CNTLN: variants seen among roughly 807,000 people sequenced by gnomAD.
The protein encoded by CNTLN is centlein.
CNTLN carries 212 observed loss-of-function variants against 180.0 expected under a neutral mutation model. The ratio of observed to expected loss-of-function variants is 1.18; its 90% CI spans 1.05 to 1.32. The LOEUF is 1.32. Ranked by LOEUF, CNTLN falls within the 40% of genes most tolerant of loss-of-function variation. The pLI is 0.00. For missense variants in CNTLN, 2,095 were observed against 1,610.9 expected, an observed-to-expected ratio of 1.30 and a Z score of -5.14; for synonymous variants, 722 against 563.1, an observed-to-expected ratio of 1.28 and a Z score of -3.99.
chr9:17,414,977 T>G (rs1355338375), intron 16 of CNTLN, among the ~76,000 whole-genome samples: 1 of 151,928 alleles, frequency 6.6e-6, no homozygotes, highest in African/African-American at 2.4e-5. Flanking sequence ...TCCCAGGTAC[T>G]TGGGAGGCTG....
At chr9:17,512,278 C>G in the CNTLN span, among the ~76,000 whole-genome samples, 2 of 152,244 alleles carry the variant, frequency 1.3e-5, no homozygotes, top group East Asian at 3.9e-4. Flanking sequence ...ATCTACATAC[C>G]GTATCAGTAG....
the CNTLN span, among the ~76,000 whole-genome samples, chr9:17,526,449 T>C: frequency 2.6e-5 from 4 of 152,244 alleles, no homozygotes; most frequent in African/African-American, 7.2e-5. Context: ...AAGTTGAATA[T>C]GCTAACGTAA....
intron 13 of CNTLN, among the ~76,000 whole-genome samples, chr9:17,376,903 C>G (rs1249386563): frequency 6.6e-6 from 1 of 152,124 alleles, no homozygotes; most frequent in Non-Finnish European, 1.5e-5. Context: ...GGTAAATGAA[C>G]TGTAAACTTT....
At chr9:17,376,399 T>C (rs1824762332) in intron 13 of CNTLN, among the ~76,000 whole-genome samples, 1 of 152,058 alleles carries the variant, frequency 6.6e-6, no homozygotes, top group South Asian at 2.1e-4. Flanking sequence ...GATAAAAATT[T>C]TTAATATTAT....
intron 18 of CNTLN, among the ~76,000 whole-genome samples, chr9:17,454,729 C>G (rs537236940): frequency 2.0e-5 from 3 of 152,274 alleles, no homozygotes; most frequent in African/African-American, 2.4e-5. Context: ...GTTAGGTAGA[C>G]AAGCACCATC....
At chr9:17,522,087 T>C in the CNTLN span, among the ~76,000 whole-genome samples, 3 of 152,154 alleles carry the variant, frequency 2.0e-5, no homozygotes, top group Admixed American at 6.6e-5. Flanking sequence ...TGCTATACTT[T>C]GCTATGATAG....
intron 2 of CNTLN, among the ~76,000 whole-genome samples, chr9:17,200,556 C>T (rs942460577): frequency 6.6e-6 from 1 of 152,058 alleles, no homozygotes; most frequent in African/African-American, 2.4e-5. Flanking sequence ...CTTCATATCC[C>T]TTGTAACATG....
chr9:17,516,463 G>A, the CNTLN span, among the ~76,000 whole-genome samples: 2 of 152,116 alleles, frequency 1.3e-5, no homozygotes, highest in Non-Finnish European at 2.9e-5. Context: ...CGAAGACCCA[G>A]GAAAAAGGGT....
At chr9:17,344,121 A>G (rs959073225) in intron 12 of CNTLN, among the ~76,000 whole-genome samples, 4 of 150,602 alleles carry the variant, frequency 2.7e-5, no homozygotes, top group Non-Finnish European at 5.9e-5. Flanking sequence ...AAAATTTAGG[A>G]AGGATTACCT....
chr9:17,186,012 G>T (rs1200185369), intron 2 of CNTLN, among the ~76,000 whole-genome samples: 2 of 152,036 alleles, frequency 1.3e-5, no homozygotes, highest in Non-Finnish European at 2.9e-5. Context: ...GGTTGGTCTT[G>T]AACTCTTGAG....
At chr9:17,380,611 C>G (rs1825169470) in intron 13 of CNTLN, among the ~76,000 whole-genome samples, 1 of 152,110 alleles carries the variant, frequency 6.6e-6, no homozygotes, top group South Asian at 2.1e-4. Context: ...TACCTATGAC[C>G]AAGCCTGACA....
chr9:17,261,698 G>A (rs1826991166), intron 5 of CNTLN, among the ~76,000 whole-genome samples: 1 of 150,938 alleles, frequency 6.6e-6, no homozygotes, highest in Non-Finnish European at 1.5e-5. Context: ...AGGACTTCTA[G>A]TACTATGTTG....
chr9:17,336,603 T>A (rs889728746), intron 10 of CNTLN, among the ~76,000 whole-genome samples: 11 of 152,234 alleles, frequency 7.2e-5, no homozygotes, highest in Non-Finnish European at 1.6e-4. Context: ...TTATTTTTAA[T>A]AGTTTAGATT....
chr9:17,293,742 C>T (rs948702296), intron 6 of CNTLN, among the ~76,000 whole-genome samples: 1 of 152,138 alleles, frequency 6.6e-6, no homozygotes, highest in Admixed American at 6.5e-5. Context: ...TGATGACCTC[C>T]CCTTCCATTA....
chr9:17,396,036 T>G (rs895416562), intron 15 of CNTLN, among the ~76,000 whole-genome samples: 2 of 152,190 alleles, frequency 1.3e-5, no homozygotes, highest in Non-Finnish European at 2.9e-5. Flanking sequence ...AAGAGTGATC[T>G]CTGGTTGTCT....
chr9:17,410,357 C>A (rs181138058), intron 16 of CNTLN, among the ~76,000 whole-genome samples: 1 of 152,132 alleles, frequency 6.6e-6, no homozygotes, highest in African/African-American at 2.4e-5. Context: ...TAAATTGCCT[C>A]TTCAAGTCTC....
chr9:17,310,075 A>G (rs1471669673), intron 8 of CNTLN, among the ~76,000 whole-genome samples: 1 of 152,126 alleles, frequency 6.6e-6, no homozygotes, highest in Non-Finnish European at 1.5e-5. Flanking sequence ...GTTATGACAT[A>G]CTATTGTATG....
chr9:17,298,584 A>T (rs1338809232), intron 7 of CNTLN: 4 of 1,117,712 alleles, frequency 3.6e-6, no homozygotes, highest in South Asian at 3.6e-5. Context: ...AACTTACTCT[A>T]TAGGGTATTA....
At chr9:17,370,252 G>A (rs900509316) in intron 13 of CNTLN, among the ~76,000 whole-genome samples, 2 of 152,116 alleles carry the variant, frequency 1.3e-5, no homozygotes, top group African/African-American at 4.8e-5. Context: ...ACAACCTGAA[G>A]GCATTTAACA....
Sources: allele counts gnomAD v4.1 joint callset (sites outside exome capture counted in the v4.1 genomes callset), GRCh38; gene constraint gnomAD v4.1.1; transcripts MANE v1.5; gene names NCBI Gene and HGNC (gene_info 2026-07-23, HGNC 2026-07-21).